The following TENM1 variants were observed in gnomAD, a reference collection of about 807,000 sequenced individuals.
TENM1 encodes the protein teneurin-1.
In TENM1, 35 loss-of-function variants were observed where a neutral mutation model predicts 174.8. The ratio of observed to expected loss-of-function variants is 0.20; its 90% confidence interval spans 0.15 to 0.27. TENM1 has a LOEUF of 0.27. Among genes scored for constraint, TENM1 ranks in the 10% least tolerant of loss-of-function variants. TENM1 has a pLI of 1.00. For synonymous variants in TENM1, 781 were observed against 798.7 expected (o/e 0.98, Z 0.37); for missense variants, 1,633 against 2,130.1 (o/e 0.77, Z 4.59).
chrX:124,957,578 C>CAAAAAA (rs1225936775), intron 1 of TENM1, among the ~76,000 whole-genome samples: 5 of 31,002 alleles, frequency 1.6e-4, no homozygotes, highest in Middle Eastern at 0.016. Context: ...AACTCCAACT[C>CAAAAAA]AAAAAAAAAA....
At chrX:125,031,676 G>T in the TENM1 span, among the ~76,000 whole-genome samples, 1 of 111,671 alleles carries the variant, frequency 9.0e-6, no homozygotes, top group Admixed American at 9.6e-5. Context: ...TCATCATCAG[G>T]TTGTTTTCAG....
chrX:124,662,455 G>GAA lies in TENM1; in HGVS notation c.1169-8674_1169-8673dup, dbSNP rs1224806453. 1.9e-3 allele frequency among the ~76,000 whole-genome samples: 59 copies of GAA among 30,968 alleles called. 1 individual carries two copies. The highest frequency in any genetic ancestry group is 3.9e-3 in the African/African-American group (45 of 11,626). The allele number at this position is 30,968 out of a possible 115,157, so 26.9% of individuals were successfully genotyped here. On this transcript the variant is annotated intron_variant, in intron 6 of 31. Coordinates refer to ENST00000422452, the Ensembl canonical transcript of TENM1. ...GACGACAGGGCGAGACTTCATCTCAGAAAAAAAAAAAAAAAAAAAAAGTCT... is the reference window on the plus strand; with the variant it reads ...GACGACAGGGCGAGACTTCATCTCAGAAAAAAAAAAAAAAAAAAAAAAAGTCT...
intron 3 of TENM1, among the ~76,000 whole-genome samples, chrX:124,851,545 A>C (rs1451250899): frequency 9.0e-6 from 1 of 111,058 alleles, no homozygotes; most frequent in African/African-American, 3.3e-5. Context: ...CCCAATGTCC[A>C]TCTCACTATT....
chrX:124,692,796 C>T (rs904343292), intron 5 of TENM1, among the ~76,000 whole-genome samples: 1 of 108,118 alleles, frequency 9.2e-6, no homozygotes, highest in Non-Finnish European at 1.9e-5. Context: ...CACCTGAGGT[C>T]GGGAGTTCGA....
In TENM1 at chrX:124,572,305, A is replaced by G. The variant is rs928848162; in HGVS notation, c.2078-6745T>C. Among the ~76,000 whole-genome samples, 3 of 112,018 alleles carry G rather than the reference A, an allele frequency of 2.7e-5. No individual in the cohort carries two copies. In the Admixed American group the frequency reaches 2.9e-4, roughly 11 times the overall value. ...ATTCACCACTGAATTATTCCATTTT[A>G]CTTTCACACATTTCATAATGATTAA... is the stretch of plus-strand genomic sequence containing the variant. On this transcript the variant is annotated intron_variant, in intron 11 of 31. Transcript: ENST00000422452.
intron 3 of TENM1, among the ~76,000 whole-genome samples, chrX:124,753,834 G>A (rs1003825194): frequency 1.8e-5 from 2 of 111,722 alleles, no homozygotes; most frequent in African/African-American, 3.3e-5. Context: ...TCCCAGGGAT[G>A]AAGCCCACTT....
chrX:124,655,892 C>T (rs1033001702), intron 6 of TENM1, among the ~76,000 whole-genome samples: 3 of 111,663 alleles, frequency 2.7e-5, no homozygotes, highest in Non-Finnish European at 5.6e-5. Context: ...ATCAATTTGG[C>T]CCCTAAAGGG....
chrX:124,380,839 C>G, exon 32 of TENM1: 1 of 1,210,517 alleles, frequency 8.3e-7, no homozygotes, highest in Non-Finnish European at 1.1e-6. Context: ...GGGCTCCATG[C>G]TGGAGCTGAA....
intron 23 of TENM1, among the ~76,000 whole-genome samples, chrX:124,433,567 G>C (rs1016415527): frequency 7.2e-5 from 8 of 111,817 alleles, no homozygotes; most frequent in Non-Finnish European, 1.1e-4. Context: ...GCAAAGATGA[G>C]AACTCTTTTA....
At chrX:124,582,629 C>A (rs951688428) in intron 11 of TENM1, among the ~76,000 whole-genome samples, 1 of 111,992 alleles carries the variant, frequency 8.9e-6, no homozygotes, top group Non-Finnish European at 1.9e-5. Flanking sequence ...GTGATTTCTG[C>A]ATTTCCATCT....
At chrX:124,441,047 TC>T (rs1259433300) in intron 23 of TENM1, among the ~76,000 whole-genome samples, 1 of 112,378 alleles carries the variant, frequency 8.9e-6, no homozygotes, top group Non-Finnish European at 1.9e-5. Context: ...AAAAGAAACT[TC>T]CTTCATGTGT....
intron 5 of TENM1, among the ~76,000 whole-genome samples, chrX:124,699,872 C>G (rs2052735990): frequency 9.0e-6 from 1 of 110,924 alleles, no homozygotes; most frequent in Non-Finnish European, 1.9e-5. Flanking sequence ...TTTCCAGATC[C>G]CTGCTTAGAG....
chrX:124,998,090 GAAAAAAAA>G, the TENM1 span, among the ~76,000 whole-genome samples: 1 of 48,719 alleles, frequency 2.1e-5, no homozygotes, highest in Non-Finnish European at 4.5e-5. Context: ...TCATTTTAGA[GAAAAAAAA>G]AAAAAAAAAA....
intron 11 of TENM1, among the ~76,000 whole-genome samples, chrX:124,616,306 A>C (rs1205876080): frequency 1.8e-5 from 2 of 113,002 alleles, no homozygotes; most frequent in African/African-American, 6.4e-5. Flanking sequence ...AAGACTGAAC[A>C]AAAGTTGATA....
At chrX:124,787,034 A>C (rs1267840082) in intron 3 of TENM1, among the ~76,000 whole-genome samples, 1 of 112,089 alleles carries the variant, frequency 8.9e-6, no homozygotes, top group African/African-American at 3.2e-5. Flanking sequence ...TTCAGTATTC[A>C]TGGAAACATT....
chrX:124,436,440 G>A (rs1429112539), intron 23 of TENM1, among the ~76,000 whole-genome samples: 1 of 110,088 alleles, frequency 9.1e-6, no homozygotes, highest in African/African-American at 3.3e-5. Context: ...TCCCTACCCT[G>A]AGAATCAGTC....
At chrX:124,926,050 T>A (rs1006550529) in intron 1 of TENM1, among the ~76,000 whole-genome samples, 1 of 112,565 alleles carries the variant, frequency 8.9e-6, no homozygotes, top group Admixed American at 9.4e-5. Flanking sequence ...CTAATTCAAT[T>A]TTTAAAGTGT....
rs1461133889 is a variant in TENM1 at position 124,471,370 on chromosome X, ATAT to A, written c.3949+10359_3949+10361del. 3.4e-4 allele frequency among the ~76,000 whole-genome samples: 12 copies of A among 35,450 alleles called. 1 individual carries two copies. Among genetic ancestry groups the A allele is most frequent in the Admixed American group, 5.4e-4 (1 of 1,858 alleles). 30.8% of individuals were successfully genotyped at this position (35,450 alleles called of 115,157 possible). On this transcript the variant is annotated intron_variant, in intron 22 of 31. Coordinates refer to ENST00000422452, the Ensembl canonical transcript of TENM1. ...TATATATTATAATATATAGTACTAT[ATAT>A]TATAATATATAGTACTATATATAAT...
At chrX:124,450,477 C>A (rs1198853049) in intron 23 of TENM1, among the ~76,000 whole-genome samples, 3 of 111,934 alleles carry the variant, frequency 2.7e-5, no homozygotes, top group African/African-American at 9.7e-5. Context: ...AGGCCTCCCC[C>A]ACCATGGAGA....
Sources: allele counts gnomAD v4.1 joint callset (sites outside exome capture counted in the v4.1 genomes callset), GRCh38; gene constraint gnomAD v4.1.1; transcripts MANE v1.5; gene names NCBI Gene and HGNC (gene_info 2026-07-23, HGNC 2026-07-21).